Variants in NCF2 observed in about 807,000 individuals in gnomAD.
The protein encoded by NCF2 is neutrophil cytosol factor 2.
In NCF2, 45 loss-of-function variants were observed where a neutral mutation model predicts 70.9. The observed-to-expected ratio is 0.63, with a 90% CI of 0.50 to 0.81. The LOEUF is 0.81. NCF2 is among the 40% of genes least tolerant of loss of function. The pLI is 0.00. For synonymous variants in NCF2, 203 were observed against 233.6 expected, an observed-to-expected ratio of 0.87 and a Z score of 1.19; for missense variants, 522 against 631.6, an observed-to-expected ratio of 0.83 and a Z score of 1.86.
intron 10 of NCF2, among the ~76,000 whole-genome samples, chr1:183,565,328 C>A (rs375599151): frequency 8.5e-5 from 13 of 152,274 alleles, no homozygotes; most frequent in African/African-American, 3.1e-4. Context: ...AGATACAGTG[C>A]CTCAGACATT....
chr1:183,572,447 G>C lies in NCF2; in HGVS notation c.609+738C>G, dbSNP rs544432314. 2.6e-5 allele frequency among the ~76,000 whole-genome samples: 4 copies of C among 152,314 alleles called. No homozygotes were observed. The South Asian group carries it at 8.3e-4, about 32-fold the overall frequency. The stretch of plus-strand genomic sequence containing the variant: ...TCCACCTGCCTCAGCCTCCCAAAGT[G>C]CTGGGATTACAGGCATGAGTCACCA... On this transcript the variant is annotated intron_variant, in intron 5 of 14. Coordinates refer to ENST00000367535, the MANE Select transcript of NCF2 (RefSeq NM_000433.4).
At position 183,563,462 on chromosome 1, in the gene NCF2, C is replaced by T. The variant is rs770537584; in HGVS notation, c.1150G>A (p.Glu384Lys). ...AGCTTAGTGTGTTCCAGCCGGAGCTCCAGTTTCTTAGACACCATGTCCCGG... is the reference window on the plus strand; with the variant it reads ...AGCTTAGTGTGTTCCAGCCGGAGCTTCAGTTTCTTAGACACCATGTCCCGG... ...QVRDMVSKKL[E>K]LRLEHTKLSY... Residue 384 changes from glutamate (E) to lysine (K), a missense_variant, in exon 12 of 15, where the codon GAG becomes AAG. Transcript: ENST00000367535. 10 of 1,614,078 alleles carry T rather than the reference C, an allele frequency of 6.2e-6. No homozygotes were observed. The highest frequency in any genetic ancestry group is 7.6e-6 in the Non-Finnish European group (9 of 1,180,044).
chr1:183,599,112 C>T, the NCF2 span, among the ~76,000 whole-genome samples: 5 of 152,296 alleles, frequency 3.3e-5, no homozygotes, highest in Middle Eastern at 3.4e-3. Flanking sequence ...CCAGGTACAG[C>T]GGCTCATGCC....
intron 2 of NCF2, among the ~76,000 whole-genome samples, chr1:183,583,121 C>T (rs960596143): frequency 1.3e-5 from 2 of 151,986 alleles, no homozygotes; most frequent in Non-Finnish European, 2.9e-5. Context: ...GGTGTTATCT[C>T]GGTTCACTGC....
At chr1:183,599,423 C>CTTCTTTCTTTTTCTTTCTTTCT in the NCF2 span, among the ~76,000 whole-genome samples, 1 of 107,426 alleles carries the variant, frequency 9.3e-6, no homozygotes, top group Non-Finnish European at 1.9e-5. Flanking sequence ...TCTTTCTTTC[C>CTTCTTTCTTTTTCTTTCTTTCT]TTCTTTCTTT....
intron 3 of NCF2, among the ~76,000 whole-genome samples, chr1:183,576,247 A>G (rs1672794598): frequency 6.6e-6 from 1 of 152,168 alleles, no homozygotes. Flanking sequence ...ACTTGCAGAG[A>G]GGGCCACTCA....
At chr1:183,601,585 C>T in the NCF2 span, among the ~76,000 whole-genome samples, 1 of 152,094 alleles carries the variant, frequency 6.6e-6, no homozygotes, top group African/African-American at 2.4e-5. Context: ...AGGCTGAGCA[C>T]GGTGTGTCAT....
chr1:183,582,144 C>T (rs1026206865), intron 2 of NCF2, among the ~76,000 whole-genome samples: 2 of 152,228 alleles, frequency 1.3e-5, no homozygotes, highest in Non-Finnish European at 2.9e-5. Context: ...GCAATAATCT[C>T]AGTATGAGAA....
At chr1:183,560,530 G>A (rs1272394815) in intron 13 of NCF2, among the ~76,000 whole-genome samples, 1 of 152,150 alleles carries the variant, frequency 6.6e-6, no homozygotes, top group Non-Finnish European at 1.5e-5. Context: ...GTGGTGGGTT[G>A]GGGGGTGGTT....
At chr1:183,557,298 G>A (rs1413703231) in intron 14 of NCF2, among the ~76,000 whole-genome samples, 21 of 152,214 alleles carry the variant, frequency 1.4e-4, no homozygotes, top group Admixed American at 3.3e-4. Flanking sequence ...CCTGGATCCT[G>A]CCCCCAGAAA....
rs546373985 is a variant in NCF2, at chr1:183,563,538, G to A, written c.1074C>T (p.Tyr358=). ...VPMPYTLKVH[Y]KYTVVMKTQP... is the part of the protein sequence containing the mutation. ...GAGTCTTCATGACTACCGTGTACTTGTAGTGCACCTTGAGTGTGTAGGGCA... is the reference window on the plus strand; with the variant it reads ...GAGTCTTCATGACTACCGTGTACTTATAGTGCACCTTGAGTGTGTAGGGCA... The change falls in exon 12 of 15, where the codon TAC becomes TAT. Residue 358 remains tyrosine, a synonymous_variant. Coordinates refer to ENST00000367535, the MANE Select transcript of NCF2 (RefSeq NM_000433.4). The A allele has an allele frequency of 2.8e-5, 45 of 1,614,076 alleles. 1 individual carries two copies. In the South Asian group the frequency reaches 3.3e-4, roughly 12 times the overall value.
At chr1:183,599,423 C>CTTCCTTCTTTCTTTCT in the NCF2 span, among the ~76,000 whole-genome samples, 154 of 107,506 alleles carry the variant, frequency 1.4e-3, no homozygotes, top group African/African-American at 4.9e-3. Flanking sequence ...TCTTTCTTTC[C>CTTCCTTCTTTCTTTCT]TTCTTTCTTT....
chr1:183,563,065 G>GAC, intron 13 of NCF2, 130 bp downstream of exon 13: 1 of 837,074 alleles, frequency 1.2e-6, no homozygotes, highest in South Asian at 1.4e-5. Context: ...GCAGAGCTGT[G>GAC]ACTTATTACA....
upstream of NCF2, among the ~76,000 whole-genome samples, chr1:183,594,477 G>A (rs903082660): frequency 6.6e-6 from 1 of 152,108 alleles, no homozygotes; most frequent in Non-Finnish European, 1.5e-5. Context: ...TGTTTGGTTA[G>A]ATAATAAGTT....
At chr1:183,596,328 C>A in the NCF2 span, among the ~76,000 whole-genome samples, 9 of 150,956 alleles carry the variant, frequency 6.0e-5, no homozygotes, top group Non-Finnish European at 1.2e-4. Context: ...ATTAAGCACT[C>A]TTTTTCATAT....
At chr1:183,576,378 C>T (rs1240013028) in intron 3 of NCF2, among the ~76,000 whole-genome samples, 1 of 152,194 alleles carries the variant, frequency 6.6e-6, no homozygotes, top group Non-Finnish European at 1.5e-5. Flanking sequence ...CACTTGTCCC[C>T]CAACTTTCTA....
Position 183,556,021 on chromosome 1 carries a change from T to C in NCF2, c.*97A>G. The C allele has an allele frequency of 9.9e-7, 1 of 1,010,900 alleles. No homozygotes were observed. The highest frequency in any genetic ancestry group is 2.4e-5 in the East Asian group (1 of 41,786). The allele number at this position is 1,010,900 out of a possible 1,614,324, so 62.6% of individuals were successfully genotyped here. On this transcript the variant is annotated 3_prime_UTR_variant, in exon 15 of 15. Transcript: ENST00000367535. ...GAATAAATAGTTAACACTTCCAAAC[T>C]GTAATGTCTCAGTACAGTATACAGC... is the stretch of plus-strand genomic sequence containing the variant.
Position 183,590,184 on chromosome 1 carries a change from A to T in NCF2, c.146T>A (p.Ile49Asn), listed in dbSNP as rs1673575574. Residue 49 changes from isoleucine (I) to asparagine (N), a missense_variant, in exon 1 of 15, where the codon ATC becomes AAC. Coordinates refer to ENST00000367535, the MANE Select transcript of NCF2 (RefSeq NM_000433.4). Reference protein sequence around the residue: ...ICFNIGCMYTILKNMTEAEKA... With the variant: ...ICFNIGCMYTNLKNMTEAEKA... ...CTCTGCTTCAGTCATGTTCTTCAGG[A>T]TAGTGTACATGCAGCCAATGTTGAA... The T allele has an allele frequency of 1.2e-6, 2 of 1,614,056 alleles. No individual in the cohort carries two copies. The highest frequency in any genetic ancestry group is 2.7e-5 in the African/African-American group (2 of 74,916).
At chr1:183,596,467 G>A in the NCF2 span, among the ~76,000 whole-genome samples, 14 of 151,834 alleles carry the variant, frequency 9.2e-5, no homozygotes, top group African/African-American at 3.4e-4. Context: ...AAATACACTG[G>A]ATCCTCACTA....
Sources: gnomAD v4.1 joint callset for allele counts (sites outside exome capture counted in the v4.1 genomes callset) on GRCh38, gnomAD v4.1.1 for gene constraint, MANE v1.5 for transcripts, NCBI Gene and HGNC (gene_info 2026-07-23, HGNC 2026-07-21) for gene names.